The following GALNT17 variants were observed in gnomAD, a reference collection of about 807,000 sequenced individuals.
GALNT17 encodes polypeptide N-acetylgalactosaminyltransferase 17, also known as UDP-GalNAc:polypeptide N-acetylgalactosaminyltransferase-like 3.
Under a neutral mutation model 63.7 loss-of-function variants are expected in GALNT17, and 29 were observed. That is an observed-to-expected ratio of 0.46 (90% CI 0.34 to 0.62). The LOEUF (loss-of-function observed/expected upper bound fraction) is 0.62, where lower values mean the gene tolerates loss of function less well. Ranked by LOEUF, GALNT17 falls within the 20% of genes least tolerant of loss-of-function variation. GALNT17 has a pLI of 0.01. For missense variants in GALNT17, 603 were observed against 799.6 expected (o/e 0.75, Z 2.97); for synonymous variants, 305 against 318.3 (o/e 0.96, Z 0.45).
chr7:71,474,918 C>T (rs1354429694), intron 5 of GALNT17, among the ~76,000 whole-genome samples: 1 of 152,114 alleles, frequency 6.6e-6, no homozygotes, highest in Non-Finnish European at 1.5e-5. Flanking sequence ...AGATTTGACC[C>T]AGACAGGAGA....
chr7:71,563,541 C>G (rs1337163082), intron 5 of GALNT17, among the ~76,000 whole-genome samples: 1 of 152,192 alleles, frequency 6.6e-6, no homozygotes, highest in African/African-American at 2.4e-5. Context: ...ACTGAGCTCG[C>G]CAGCAACGCT....
At chr7:71,241,339 C>T (rs931536926) in intron 1 of GALNT17, among the ~76,000 whole-genome samples, 5 of 152,124 alleles carry the variant, frequency 3.3e-5, no homozygotes, top group African/African-American at 1.2e-4. Context: ...AAAAAGATTG[C>T]TGTTTGTCCA....
At chr7:71,663,756 A>G (rs1466994878) in intron 6 of GALNT17, among the ~76,000 whole-genome samples, 2 of 152,208 alleles carry the variant, frequency 1.3e-5, no homozygotes, top group Non-Finnish European at 2.9e-5. Context: ...TTCAGCCAAC[A>G]AAAGTCAAGA....
chr7:71,484,797 A>ATTTTTTTTTTTTTTTTTTTTTTTT, intron 5 of GALNT17, among the ~76,000 whole-genome samples: 1 of 107,364 alleles, frequency 9.3e-6, no homozygotes, highest in Non-Finnish European at 1.7e-5. Flanking sequence ...CAGCATCAGG[A>ATTTTTTTTTTTTTTTTTTTTTTTT]TTTTTTTTTT....
chr7:71,437,815 A>G (rs945568003), intron 5 of GALNT17, among the ~76,000 whole-genome samples: 2 of 152,222 alleles, frequency 1.3e-5, no homozygotes, highest in African/African-American at 4.8e-5. Flanking sequence ...CCTAGGCTCA[A>G]GCAATCTTCC....
intron 6 of GALNT17, among the ~76,000 whole-genome samples, chr7:71,644,926 G>A (rs1790654102): frequency 6.6e-6 from 1 of 152,172 alleles, no homozygotes; most frequent in Non-Finnish European, 1.5e-5. Context: ...CTTCCTGGTG[G>A]TCATTCAGTG....
chr7:71,527,816 TACAC>T (rs948559910), intron 5 of GALNT17, among the ~76,000 whole-genome samples: 5 of 152,278 alleles, frequency 3.3e-5, no homozygotes, highest in South Asian at 2.1e-4. Context: ...ATACACACCA[TACAC>T]ACACAGTACA....
At chr7:71,541,548 G>A (rs901767300) in intron 5 of GALNT17, among the ~76,000 whole-genome samples, 1 of 152,038 alleles carries the variant, frequency 6.6e-6, no homozygotes, top group Non-Finnish European at 1.5e-5. Flanking sequence ...GCAAGACTCT[G>A]TCTCAAAAAA....
chr7:71,278,396 C>G (rs780867320), intron 1 of GALNT17, among the ~76,000 whole-genome samples: 5 of 152,210 alleles, frequency 3.3e-5, no homozygotes, highest in Non-Finnish European at 7.3e-5. Flanking sequence ...TTCCTTGCCA[C>G]TTTTAGCTTC....
chr7:71,285,563 C>T (rs1239220604), intron 1 of GALNT17, among the ~76,000 whole-genome samples: 2 of 152,154 alleles, frequency 1.3e-5, no homozygotes, highest in African/African-American at 4.8e-5. Context: ...ATTGTAACCT[C>T]CACAGTGTGA....
chr7:71,615,762 G>A (rs867033541), intron 6 of GALNT17, among the ~76,000 whole-genome samples: 11 of 152,236 alleles, frequency 7.2e-5, no homozygotes, highest in Middle Eastern at 3.4e-3. Context: ...ACAGGCGTGA[G>A]CCACCGCGCC....
chr7:71,246,535 G>C (rs144939984), intron 1 of GALNT17, among the ~76,000 whole-genome samples: 2 of 146,404 alleles, frequency 1.4e-5, no homozygotes, highest in East Asian at 4.5e-4. Flanking sequence ...CATTCATTAA[G>C]ATTATACTTA....
intron 5 of GALNT17, among the ~76,000 whole-genome samples, chr7:71,439,267 C>G (rs1392412796): frequency 6.6e-6 from 1 of 152,202 alleles, no homozygotes; most frequent in Non-Finnish European, 1.5e-5. Flanking sequence ...TGAAGCCACT[C>G]TCTTCAGAAA....
intron 1 of GALNT17, among the ~76,000 whole-genome samples, chr7:71,305,062 T>C (rs1187560474): frequency 6.6e-6 from 1 of 152,224 alleles, no homozygotes; most frequent in Non-Finnish European, 1.5e-5. Flanking sequence ...ATTCTTTCTG[T>C]GTAAGGAGAT....
intron 5 of GALNT17, among the ~76,000 whole-genome samples, chr7:71,566,920 T>G (rs1789358045): frequency 6.6e-6 from 1 of 151,900 alleles, no homozygotes. Flanking sequence ...TACATCTGCC[T>G]CCTCCTTCTG....
At chr7:71,223,277 A>G (rs1341929544) in intron 1 of GALNT17, among the ~76,000 whole-genome samples, 2 of 152,070 alleles carry the variant, frequency 1.3e-5, no homozygotes, top group Admixed American at 6.5e-5. Flanking sequence ...TAGCTCTCTC[A>G]TTCCTCCCAC....
chr7:71,337,712 A>G (rs1791933984), intron 2 of GALNT17, among the ~76,000 whole-genome samples: 1 of 151,860 alleles, frequency 6.6e-6, no homozygotes, highest in African/African-American at 2.4e-5. Flanking sequence ...TACTAAAAAT[A>G]CAAAAATTGG....
At chr7:71,539,310 G>A (rs1011385914) in intron 5 of GALNT17, among the ~76,000 whole-genome samples, 6 of 151,814 alleles carry the variant, frequency 4.0e-5, no homozygotes, top group African/African-American at 9.7e-5. Flanking sequence ...TGGAGGTTGC[G>A]GTTATTAAAA....
At chr7:71,183,400 T>A (rs1433614662) in intron 1 of GALNT17, among the ~76,000 whole-genome samples, 1 of 152,084 alleles carries the variant, frequency 6.6e-6, no homozygotes, top group East Asian at 1.9e-4. Context: ...TTCCTTCCAC[T>A]CCATTCAAAG....
Sources: allele counts gnomAD v4.1 joint callset (sites outside exome capture counted in the v4.1 genomes callset), GRCh38; gene constraint gnomAD v4.1.1; transcripts MANE v1.5; gene names NCBI Gene and HGNC (gene_info 2026-07-23, HGNC 2026-07-21).